The following IKZF1 variants were observed in gnomAD, a reference collection of about 807,000 sequenced individuals.
IKZF1 encodes IKAROS family zinc finger 1.
Under a neutral mutation model 51.7 loss-of-function variants are expected in IKZF1, and 10 were observed. The ratio of observed to expected loss-of-function variants is 0.19; its 90% CI spans 0.12 to 0.33. IKZF1 has a LOEUF of 0.33. IKZF1 is among the 10% of genes least tolerant of loss of function. IKZF1 has a pLI of 1.00. For missense variants in IKZF1, 484 were observed against 707.5 expected (o/e 0.68, Z 3.58); for synonymous variants, 280 against 282.3 (o/e 0.99, Z 0.08).
intron 3 of IKZF1, among the ~76,000 whole-genome samples, chr7:50,355,472 G>A (rs1584725817): frequency 6.6e-6 from 1 of 152,172 alleles, no homozygotes; most frequent in Non-Finnish European, 1.5e-5. Flanking sequence ...GGCTAGGTGT[G>A]CCCCGCTCTG....
chr7:50,305,223 G>C (rs1788500928), intron 1 of IKZF1, among the ~76,000 whole-genome samples: 1 of 152,130 alleles, frequency 6.6e-6, no homozygotes, highest in Non-Finnish European at 1.5e-5. Flanking sequence ...ATATACCCAC[G>C]GAAGTCAGCC....
In IKZF1 at chr7:50,404,746, A is replaced by G. The variant is rs997265955; in HGVS notation, c.*4119A>G. 4.3e-6 allele frequency: 1 copy of G among 230,666 alleles called. No homozygotes were observed. Among genetic ancestry groups the G allele is most frequent in the Non-Finnish European group, 8.6e-6 (1 of 116,482 alleles). The allele number at this position is 230,666 out of a possible 1,614,324, so 14.3% of individuals were successfully genotyped here. On this transcript the variant is annotated 3_prime_UTR_variant, in exon 8 of 8. Transcript: ENST00000331340. ...TTCTCCACTGCAGCATGCTTCAGTC[A>G]TTCTGTGAGTGGCCGGGCCCAGGGC...
At position 50,400,874 on chromosome 7, in the gene IKZF1, TC is replaced by T; in HGVS notation, c.*251del. The stretch of plus-strand genomic sequence containing the variant: ...CAGAACTGCTACCTTCCTAGATGTT[TC>T]CCCAGACCGCTGGCTGAGATTCCCT... On this transcript the variant is annotated 3_prime_UTR_variant, in exon 8 of 8. Coordinates refer to ENST00000331340, the MANE Select transcript of IKZF1 (RefSeq NM_006060.6). This position sits in a 1 kb window ranked among gnomAD's most constrained non-coding sequence, Gnocchi z 5.4. 1 of 537,106 alleles carries T rather than the reference TC, an allele frequency of 1.9e-6. No homozygotes were observed. The highest frequency in any genetic ancestry group is 3.3e-6 in the Non-Finnish European group (1 of 306,784). The allele number at this position is 537,106 out of a possible 1,614,324, so 33.3% of individuals were successfully genotyped here.
At chr7:50,350,293 C>G (rs1237070785) in intron 3 of IKZF1, among the ~76,000 whole-genome samples, 1 of 152,240 alleles carries the variant, frequency 6.6e-6, no homozygotes, top group African/African-American at 2.4e-5. Flanking sequence ...GAGCCCAGCT[C>G]CAGAGGCTGG....
intron 1 of IKZF1, among the ~76,000 whole-genome samples, chr7:50,307,449 C>T (rs1185356208): frequency 6.6e-6 from 1 of 152,222 alleles, no homozygotes; most frequent in African/African-American, 2.4e-5. Flanking sequence ...CTAAGACTGA[C>T]AAGCACTCTG....
rs540831169 is a variant in IKZF1 at position 50,346,696 on chromosome 7, C to T, written c.160+18939C>T. On this transcript the variant is annotated intron_variant, in intron 3 of 7. Transcript: ENST00000331340. ...ATCCCATCCCCTGCCTCGAAAGGAG[C>T]TCTTCTGTGTGTAAGTGTACCTTCC... Among the ~76,000 whole-genome samples, 247 of 152,320 alleles carry T rather than the reference C, an allele frequency of 1.6e-3. 1 individual carries two copies. Among genetic ancestry groups the T allele is most frequent in the African/African-American group, 5.5e-3 (230 of 41,570 alleles).
In IKZF1 at chr7:50,387,520, G is replaced by A. The variant is rs551109345; in HGVS notation, c.715+50G>A. 2.1e-4 allele frequency: 323 copies of A among 1,558,050 alleles called. 2 individuals are homozygous for A. The South Asian group carries it at 3.5e-3, about 17-fold the overall frequency. On this transcript the variant is annotated intron_variant, in intron 6 of 7. Coordinates refer to ENST00000331340, the MANE Select transcript of IKZF1 (RefSeq NM_006060.6). The stretch of plus-strand genomic sequence containing the variant: ...GCCTGGTGGGCTCTCCCCCCAGCAC[G>A]GTGGGGAAGGAGGGCGCTCTGCATG...
At chr7:50,345,991 T>C (rs1172205553) in intron 3 of IKZF1, among the ~76,000 whole-genome samples, 6 of 152,280 alleles carry the variant, frequency 3.9e-5, no homozygotes, top group African/African-American at 1.4e-4. Context: ...AATCCATCAC[T>C]GCTTTTGTGG....
intron 3 of IKZF1, among the ~76,000 whole-genome samples, chr7:50,366,144 A>G (rs1355948142): frequency 1.3e-5 from 2 of 152,218 alleles, no homozygotes; most frequent in African/African-American, 4.8e-5. Context: ...TATCAGAAAA[A>G]ATAACAGGTA....
intron 3 of IKZF1, among the ~76,000 whole-genome samples, chr7:50,357,934 T>G (rs1803970054): frequency 6.6e-6 from 1 of 152,156 alleles, no homozygotes; most frequent in South Asian, 2.1e-4. Context: ...CTCTCATTTG[T>G]AAAGCGGGGG....
intron 1 of IKZF1, chr7:50,318,611 C>T (rs1247545317): frequency 1.4e-5 from 3 of 216,486 alleles, no homozygotes; most frequent in Non-Finnish European, 1.9e-5. Flanking sequence ...TTTTTGATTG[C>T]TGATTGTACG....
Position 50,319,034 on chromosome 7 carries a change from C to T in IKZF1, c.-14-14C>T, listed in dbSNP as rs768356872. On this transcript the variant is annotated splice_polypyrimidine_tract_variant and intron_variant, in intron 1 of 7. Coordinates refer to ENST00000331340, the MANE Select transcript of IKZF1 (RefSeq NM_006060.6). The stretch of plus-strand genomic sequence containing the variant: ...TTTTTGCTTTAAACTAAAATCCCTT[C>T]CTCTCTTTCTCAGATAACCTGAGGA... 92 of 1,593,170 alleles carry T rather than the reference C, an allele frequency of 5.8e-5. No individual in the cohort carries two copies. Among genetic ancestry groups the T allele is most frequent in the Non-Finnish European group, 3.4e-5 (40 of 1,161,984 alleles).
intron 5 of IKZF1, among the ~76,000 whole-genome samples, chr7:50,384,438 A>G (rs1054884920): frequency 2.0e-5 from 3 of 152,258 alleles, no homozygotes; most frequent in Non-Finnish European, 4.4e-5. Flanking sequence ...CTTCCAAGAA[A>G]GGAGCTATAC....
At chr7:50,368,684 T>A (rs1036059910) in intron 3 of IKZF1, 1 of 281,868 alleles carries the variant, frequency 3.5e-6, no homozygotes. Flanking sequence ...ATTGAGCTGA[T>A]AAATGATAAA....
intron 2 of IKZF1, 44 bp downstream of exon 2, chr7:50,319,145 G>A (rs1252085523): frequency 1.3e-6 from 2 of 1,575,236 alleles, no homozygotes; most frequent in Non-Finnish European, 1.7e-6. Context: ...CATGAGAAAA[G>A]CTTCCCTGGG....
At chr7:50,327,803 C>G in intron 3 of IKZF1, 46 bp downstream of exon 3, 1 of 1,534,336 alleles carries the variant, frequency 6.5e-7, no homozygotes, top group Non-Finnish European at 8.8e-7. Flanking sequence ...ACCTTTATCT[C>G]TTTGTATTTT....
chr7:50,306,695 G>A (rs1354031500), intron 1 of IKZF1, among the ~76,000 whole-genome samples: 2 of 152,214 alleles, frequency 1.3e-5, no homozygotes, highest in African/African-American at 2.4e-5. Flanking sequence ...CGCAGTGAAT[G>A]TATTAGCCAA....
At chr7:50,382,445 C>A in intron 4 of IKZF1, 95 bp from the exon 5 acceptor site, 1 of 1,458,202 alleles carries the variant, frequency 6.9e-7, no homozygotes, top group Non-Finnish European at 9.1e-7. Context: ...CGGTGGAAGT[C>A]ACCAGGCCCC....
chr7:50,310,416 C>T (rs997348716), intron 1 of IKZF1, among the ~76,000 whole-genome samples: 5 of 152,166 alleles, frequency 3.3e-5, no homozygotes, highest in Non-Finnish European at 7.3e-5. Flanking sequence ...TGGACAGGAG[C>T]ATTTTCTGTC....
Sources: allele counts gnomAD v4.1 joint callset (sites outside exome capture counted in the v4.1 genomes callset), GRCh38; gene constraint gnomAD v4.1.1; non-coding constraint Gnocchi (gnomAD v3.1); transcripts MANE v1.5; gene names NCBI Gene and HGNC (gene_info 2026-07-23, HGNC 2026-07-21).